The following ITGA2 variants were observed in gnomAD, a reference collection of about 807,000 sequenced individuals.
The protein encoded by ITGA2 is integrin subunit alpha 2, also known as integrin alpha-2.
ITGA2 carries 101 observed loss-of-function variants against 146.3 expected under a neutral mutation model. That is an observed-to-expected ratio of 0.69 (90% CI 0.59 to 0.81). The LOEUF (loss-of-function observed/expected upper bound fraction) is 0.81. ITGA2 is among the 40% of genes least tolerant of loss of function. The pLI, the probability that ITGA2 is intolerant of heterozygous loss-of-function variation, is 0.00. For synonymous variants in ITGA2, 477 were observed against 487.1 expected (o/e 0.98, Z 0.27); for missense variants, 1,281 against 1,402.7 (o/e 0.91, Z 1.39).
At chr5:53,028,640 A>G (rs984905252) in intron 2 of ITGA2, among the ~76,000 whole-genome samples, 1 of 152,174 alleles carries the variant, frequency 6.6e-6, no homozygotes, top group Non-Finnish European at 1.5e-5. Flanking sequence ...ATATTAAACA[A>G]TTCATTCAAC....
rs141957525 is a variant in ITGA2, at chr5:53,068,256, T to G, written c.2083+999T>G. On this transcript the variant is annotated intron_variant, in intron 16 of 29. Coordinates refer to ENST00000296585, the MANE Select transcript of ITGA2 (RefSeq NM_002203.4). ...TTTCCATATTTTCCTACTTTTCATA[T>G]CCATTTGGAAGTTTTCCATGCAGAT... Among the ~76,000 whole-genome samples the G allele has an allele frequency of 6.5e-3, 986 of 152,036 alleles. 5 individuals are homozygous for G. The highest frequency in any genetic ancestry group is 0.01 in the South Asian group (49 of 4,826).
At chr5:53,076,837 G>A (rs1028769308) in intron 23 of ITGA2, among the ~76,000 whole-genome samples, 3 of 151,866 alleles carry the variant, frequency 2.0e-5, no homozygotes, top group Admixed American at 1.3e-4. Context: ...AAAAATTAAC[G>A]TAGGGAATTA....
chr5:53,002,620 C>T (rs1437090440), intron 1 of ITGA2, among the ~76,000 whole-genome samples: 3 of 152,124 alleles, frequency 2.0e-5, no homozygotes, highest in Admixed American at 2.0e-4. Flanking sequence ...AGGTTGTTTC[C>T]TGTGGGATAT....
intron 2 of ITGA2, among the ~76,000 whole-genome samples, chr5:53,039,318 T>A (rs545869726): frequency 6.6e-6 from 1 of 151,780 alleles, no homozygotes; most frequent in East Asian, 1.9e-4. Context: ...AGAAAAAAAA[T>A]GCCAGTTTGG....
chr5:53,083,071 G>A (rs893000772), intron 26 of ITGA2, among the ~76,000 whole-genome samples: 2 of 152,088 alleles, frequency 1.3e-5, no homozygotes, highest in East Asian at 3.9e-4. Flanking sequence ...GGGGTACTTT[G>A]TTCCACATAT....
chr5:53,074,992 ATT>A, intron 21 of ITGA2, 67 bp from the exon 22 acceptor site: 8 of 953,120 alleles, frequency 8.4e-6, no homozygotes, highest in Admixed American at 1.9e-5. Context: ...TATGAGAAAC[ATT>A]TTTTTTTTCA....
At position 53,078,682 on chromosome 5, in the gene ITGA2, T is replaced by G. The variant is rs540079113; in HGVS notation, c.2826-90T>G. ...ACTAAAAGTAAAATTTACTTTAACC[T>G]AAGCTATAAGATACTTAAATAAAAG... On this transcript the variant is annotated intron_variant, in intron 23 of 29. Transcript: ENST00000296585. 1,099 of 767,796 alleles carry G rather than the reference T, an allele frequency of 1.4e-3. 4 individuals carry two copies. The highest frequency in any genetic ancestry group is 2.1e-3 in the Admixed American group (100 of 47,612). 47.6% of individuals were successfully genotyped at this position (767,796 alleles called of 1,614,324 possible).
chr5:52,991,477 C>T (rs1740951767), intron 1 of ITGA2, among the ~76,000 whole-genome samples: 2 of 152,114 alleles, frequency 1.3e-5, no homozygotes, highest in African/African-American at 4.8e-5. Context: ...CATCATATCA[C>T]ATACAAAAAT....
intron 23 of ITGA2, among the ~76,000 whole-genome samples, chr5:53,076,456 G>A (rs1188626300): frequency 6.6e-6 from 1 of 152,000 alleles, no homozygotes; most frequent in Non-Finnish European, 1.5e-5. Context: ...AATAGCACAA[G>A]CAGAAACAAA....
chr5:53,045,212 A>G, intron 4 of ITGA2, 120 bp downstream of exon 4: 1 of 786,794 alleles, frequency 1.3e-6, no homozygotes, highest in African/African-American at 1.7e-5. Flanking sequence ...TTGATAAATT[A>G]TGCTATTTAT....
chr5:52,993,020 C>A (rs141919563), intron 1 of ITGA2, among the ~76,000 whole-genome samples: 2 of 152,276 alleles, frequency 1.3e-5, no homozygotes, highest in Admixed American at 6.5e-5. Context: ...TCCAAATACT[C>A]CCTTTGCCTT....
rs1740429173 is a variant in ITGA2 at position 53,091,691 on chromosome 5, G to GA, written c.*1095dup. ...CTGCTGTGCATTAGATATTAGGGGG[G>GA]AAAGTCATCTGTTTAATTTACACAC... On this transcript the variant is annotated 3_prime_UTR_variant, in exon 30 of 30. Transcript: ENST00000296585. The GA allele has an allele frequency of 6.6e-6, 1 of 152,310 alleles. No individual in the cohort carries two copies. Among genetic ancestry groups the GA allele is most frequent in the East Asian group, 1.9e-4 (1 of 5,194 alleles). The allele number at this position is 152,310 out of a possible 1,614,324, so 9.4% of individuals were successfully genotyped here.
chr5:53,070,975 G>A (rs1317775917), intron 17 of ITGA2, among the ~76,000 whole-genome samples: 1 of 151,868 alleles, frequency 6.6e-6, no homozygotes, highest in African/African-American at 2.4e-5. Flanking sequence ...AAACTTTTGG[G>A]AAATGTATAT....
intron 1 of ITGA2, among the ~76,000 whole-genome samples, chr5:52,997,919 A>T (rs1481488548): frequency 2.6e-5 from 4 of 152,206 alleles, no homozygotes; most frequent in Non-Finnish European, 5.9e-5. Context: ...TAGCCTTGGA[A>T]ATTGGGGCAC....
Position 53,048,695 on chromosome 5 carries a change from T to C in ITGA2, c.555T>C (p.Ile185=). 1.9e-6 allele frequency: 3 copies of C among 1,614,094 alleles called. No homozygotes were observed. The highest frequency in any genetic ancestry group is 1.7e-6 in the Non-Finnish European group (2 of 1,179,970). Residue 185 remains isoleucine, a synonymous_variant, in exon 6 of 30, where the codon ATT becomes ATC. Coordinates refer to ENST00000296585, the MANE Select transcript of ITGA2 (RefSeq NM_002203.4). ...TTGTGTGTGATGAATCAAATAGTAT[T>C]TATCCTTGGGATGCAGTAAAGAATT... is the stretch of plus-strand genomic sequence containing the variant. The part of the protein sequence containing the change: ...VVVVCDESNS[I]YPWDAVKNFL...
intron 28 of ITGA2, among the ~76,000 whole-genome samples, chr5:53,087,807 T>C (rs1162966697): frequency 6.6e-6 from 1 of 152,188 alleles, no homozygotes. Context: ...AGCATTTTCC[T>C]CCCAGTGCTT....
At chr5:52,995,109 A>G (rs1158336341) in intron 1 of ITGA2, among the ~76,000 whole-genome samples, 1 of 152,226 alleles carries the variant, frequency 6.6e-6, no homozygotes, top group African/African-American at 2.4e-5. Context: ...CGCAATGAAA[A>G]CAGAAGGTCC....
intron 19 of ITGA2, 74 bp downstream of exon 19, chr5:53,072,769 G>GT (rs1382859225): frequency 6.6e-6 from 8 of 1,212,754 alleles, no homozygotes; most frequent in Non-Finnish European, 9.5e-6. Context: ...TCAAACGAAT[G>GT]TTTATAGAGT....
intron 1 of ITGA2, among the ~76,000 whole-genome samples, chr5:52,997,611 C>T (rs952266400): frequency 7.2e-5 from 11 of 152,170 alleles, no homozygotes; most frequent in African/African-American, 2.4e-4. Context: ...TTGAAGGTGG[C>T]CTTTGTTTGT....
Sources: gnomAD v4.1 joint callset for allele counts (sites outside exome capture counted in the v4.1 genomes callset) on GRCh38, gnomAD v4.1.1 for gene constraint, MANE v1.5 for transcripts, NCBI Gene and HGNC (gene_info 2026-07-23, HGNC 2026-07-21) for gene names.